The following PUM1 variants were observed in gnomAD, a reference collection of about 807,000 sequenced individuals.
PUM1 encodes pumilio homolog 1.
A neutral mutation model predicts 131.8 loss-of-function variants in PUM1; 13 were observed. The ratio of observed to expected loss-of-function variants is 0.10; its 90% confidence interval spans 0.06 to 0.16. The LOEUF (loss-of-function observed/expected upper bound fraction) is 0.16, where lower values mean the gene tolerates loss of function less well. PUM1 is among the 10% of genes least tolerant of loss of function. The pLI is 1.00. For missense variants in PUM1, 961 were observed against 1,512.4 expected, an observed-to-expected ratio of 0.64 and a Z score of 6.05; for synonymous variants, 509 against 556.5, an observed-to-expected ratio of 0.91 and a Z score of 1.20.
In PUM1 at chr1:30,932,535, A is replaced by G. The variant is rs1639002393; in HGVS notation, c.*676T>C. The G allele has an allele frequency of 6.6e-6, 1 of 151,774 alleles. No individual in the cohort carries two copies. The highest frequency in any genetic ancestry group is 2.4e-5 in the African/African-American group (1 of 41,372). The allele number at this position is 151,774 out of a possible 1,614,324, so 9.4% of individuals were successfully genotyped here. A position where few individuals can be genotyped will look rare whatever the true frequency, so the allele number is the denominator to read the frequency against. ...GGGTGCTCGCATCTCCTCCTCACGA[A>G]CAGCCTTCTTCAGCATAATATAGTC... On this transcript the variant is annotated 3_prime_UTR_variant, in exon 22 of 22. Coordinates refer to ENST00000426105, the MANE Select transcript of PUM1 (RefSeq NM_001020658.2).
rs891008031 is a variant in PUM1 at position 30,932,185 on chromosome 1, C to T, written c.*1026G>A. The T allele has an allele frequency of 1.3e-5, 2 of 152,462 alleles. No homozygotes were observed. Among genetic ancestry groups the T allele is most frequent in the South Asian group, 2.1e-4 (1 of 4,822 alleles). 9.4% of individuals were successfully genotyped at this position (152,462 alleles called of 1,614,324 possible). ...AGGGCTGGCTAATTCTCTTTTCTTA[C>T]CAAAAAACGTGTTTATGTTGATTCA... On this transcript the variant is annotated 3_prime_UTR_variant, in exon 22 of 22. Coordinates refer to ENST00000426105, the MANE Select transcript of PUM1 (RefSeq NM_001020658.2).
In PUM1 at chr1:30,997,891, A is replaced by G. The variant is rs16834157; in HGVS notation, c.721-2671T>C. ...GGCATGGCCTGAAATCTTGACTGCT[A>G]AGTTACACTTTCAGCCACTAATTTA... is the stretch of plus-strand genomic sequence containing the variant. On this transcript the variant is annotated intron_variant, in intron 5 of 21. Transcript: ENST00000426105. Among the ~76,000 whole-genome samples the G allele has an allele frequency of 2.2e-3, 331 of 149,800 alleles. 1 individual carries two copies. The highest frequency in any genetic ancestry group is 7.8e-3 in the African/African-American group (312 of 40,184).
intron 5 of PUM1, among the ~76,000 whole-genome samples, chr1:31,003,555 G>A (rs1328661185): frequency 3.3e-5 from 5 of 152,120 alleles, no homozygotes; most frequent in Admixed American, 1.3e-4. Context: ...TCAGGAGTTT[G>A]AGACCAGCCT....
At chr1:31,036,216 C>T (rs775888214) in intron 2 of PUM1, among the ~76,000 whole-genome samples, 2 of 152,040 alleles carry the variant, frequency 1.3e-5, no homozygotes, top group South Asian at 2.1e-4. Context: ...ACTACGAGTG[C>T]GTGCCACTGC....
chr1:30,972,365 AGGG>A (rs1557562802), intron 10 of PUM1, among the ~76,000 whole-genome samples: 4 of 34 alleles, frequency 0.12, 2 homozygotes, highest in Admixed American at 0.25. Context: ...AGGGGAGGGG[AGGG>A]GAGGGGAGGG....
chr1:31,057,700 G>C (rs1336841507), intron 2 of PUM1, among the ~76,000 whole-genome samples: 1 of 141,658 alleles, frequency 7.1e-6, no homozygotes. Flanking sequence ...ACTCCAGCCT[G>C]GGCGACAGAG....
chr1:30,970,232 T>A (rs1640818500), intron 10 of PUM1, among the ~76,000 whole-genome samples: 1 of 151,728 alleles, frequency 6.6e-6, no homozygotes, highest in Admixed American at 6.6e-5. Flanking sequence ...TACAAATTAT[T>A]CTTGGTACCA....
rs991271581 is a variant in PUM1 at position 30,979,932 on chromosome 1, T to C, written c.1354+130A>G. On this transcript the variant is annotated intron_variant, in intron 9 of 21. Coordinates refer to ENST00000426105, the MANE Select transcript of PUM1 (RefSeq NM_001020658.2). ...TACGGAGAGATATTAAGCTGGCAGG[T>C]AGATGGCATTGAAAATCTGGATAAT... is the stretch of plus-strand genomic sequence containing the variant. The C allele has an allele frequency of 1.6e-5, 10 of 638,552 alleles. No individual in the cohort carries two copies. The African/African-American group carries it at 1.9e-4, about 12-fold the overall frequency. The allele number at this position is 638,552 out of a possible 1,614,324, so 39.6% of individuals were successfully genotyped here. A position where few individuals can be genotyped will look rare whatever the true frequency, so the allele number is the denominator to read the frequency against.
chr1:30,933,092 T>C lies in PUM1; in HGVS notation c.*119A>G, dbSNP rs939814491. 34 of 1,302,368 alleles carry C rather than the reference T, an allele frequency of 2.6e-5. 1 individual carries two copies. The South Asian group carries it at 4.9e-4, about 19-fold the overall frequency. 80.7% of individuals were successfully genotyped at this position (1,302,368 alleles called of 1,614,324 possible). The stretch of plus-strand genomic sequence containing the variant: ...ATTCCTTTTTTGGAGGAGGGAGTAA[T>C]CCTGGAGCAACCACTTGCCCGTCTC... On this transcript the variant is annotated 3_prime_UTR_variant, in exon 22 of 22. Transcript: ENST00000426105.
chr1:30,999,606 C>CCA lies in PUM1; in HGVS notation c.721-4387_721-4386insTG, dbSNP rs1642123395. ...TGGGTGACAGAGCAAGACTCTGTCTCAAAAAAAAAAAAAAAAAAAAAAAAA... is the reference window on the plus strand; with the variant it reads ...TGGGTGACAGAGCAAGACTCTGTCTCCAAAAAAAAAAAAAAAAAAAAAAAAAA... On this transcript the variant is annotated intron_variant, in intron 5 of 21. Coordinates refer to ENST00000426105, the MANE Select transcript of PUM1 (RefSeq NM_001020658.2). Among the ~76,000 whole-genome samples, 3 of 53,980 alleles carry CCA rather than the reference C, an allele frequency of 5.6e-5. 1 individual carries two copies. The highest frequency in any genetic ancestry group is 3.4e-5 in the Non-Finnish European group (1 of 29,606). 35.4% of individuals were successfully genotyped at this position (53,980 alleles called of 152,430 possible).
chr1:30,961,060 G>A (rs1328616515), intron 14 of PUM1, among the ~76,000 whole-genome samples: 1 of 151,972 alleles, frequency 6.6e-6, no homozygotes, highest in African/African-American at 2.4e-5. Flanking sequence ...TGGGCATGGT[G>A]GCACGTGCCT....
At chr1:30,958,976 T>A (rs1640291730) in intron 14 of PUM1, among the ~76,000 whole-genome samples, 1 of 152,124 alleles carries the variant, frequency 6.6e-6, no homozygotes, top group Non-Finnish European at 1.5e-5. Flanking sequence ...AGAGAGAGAT[T>A]TCACTTATTA....
At chr1:31,033,195 C>T (rs1029580830) in intron 2 of PUM1, among the ~76,000 whole-genome samples, 7 of 151,602 alleles carry the variant, frequency 4.6e-5, no homozygotes, top group South Asian at 2.1e-4. Context: ...GTTTAGAAGA[C>T]GACCTTACTG....
intron 16 of PUM1, among the ~76,000 whole-genome samples, chr1:30,951,092 G>T (rs754600190): frequency 6.6e-6 from 1 of 151,912 alleles, no homozygotes; most frequent in Admixed American, 6.6e-5. Flanking sequence ...TCACATAATC[G>T]TGAGATTGGA....
At chr1:31,044,922 G>C (rs1167130359) in intron 2 of PUM1, among the ~76,000 whole-genome samples, 1 of 152,032 alleles carries the variant, frequency 6.6e-6, no homozygotes, top group Non-Finnish European at 1.5e-5. Flanking sequence ...CAACTCTCTT[G>C]CCTCAGCCTC....
At chr1:30,966,571 T>C (rs1199833474) in intron 12 of PUM1, among the ~76,000 whole-genome samples, 1 of 152,206 alleles carries the variant, frequency 6.6e-6, no homozygotes, top group Non-Finnish European at 1.5e-5. Context: ...AACTACTTCC[T>C]AAAATCTTAA....
At chr1:30,942,191 T>TTATTTATATATA (rs1553143895) in intron 18 of PUM1, 68 bp from the exon 19 acceptor site, 1 of 143,388 alleles carries the variant, frequency 7.0e-6, no homozygotes, top group South Asian at 7.1e-5. Flanking sequence ...TCAGTATTGT[T>TTATTTATATATA]TATATATATA....
At chr1:31,011,812 A>G (rs944074603) in intron 3 of PUM1, among the ~76,000 whole-genome samples, 1 of 152,254 alleles carries the variant, frequency 6.6e-6, no homozygotes, top group Non-Finnish European at 1.5e-5. Flanking sequence ...GGCGAAAAGT[A>G]ACAGATCACA....
In PUM1 at chr1:31,048,257, A is replaced by AAATAG. The variant is rs1436693175; in HGVS notation, c.363+10946_363+10947insCTATT. On this transcript the variant is annotated intron_variant, in intron 2 of 21. Transcript: ENST00000426105. ...GTCTCAAAAACAATAAAATAAAATA[A>AAATAG]AATAAAAAATAAAAAAAAGAAATAA... Among the ~76,000 whole-genome samples, 6 of 151,716 alleles carry AAATAG rather than the reference A, an allele frequency of 4.0e-5. No homozygotes were observed. The East Asian group carries it at 9.7e-4, about 24-fold the overall frequency.
Sources: gnomAD v4.1 joint callset for allele counts (sites outside exome capture counted in the v4.1 genomes callset) on GRCh38, gnomAD v4.1.1 for gene constraint, MANE v1.5 for transcripts, NCBI Gene and HGNC (gene_info 2026-07-23, HGNC 2026-07-21) for gene names.